NPAS3: variants seen among roughly 807,000 people sequenced by gnomAD.
The protein encoded by NPAS3 is neuronal PAS domain protein 3, also known as neuronal PAS domain-containing protein 3.
A neutral mutation model predicts 73.1 loss-of-function variants in NPAS3; 14 were observed. The ratio of observed to expected loss-of-function variants is 0.19; its 90% CI spans 0.13 to 0.30. NPAS3 has a LOEUF of 0.30. NPAS3 is among the 10% of genes least tolerant of loss of function. NPAS3 has a pLI of 1.00. For missense variants in NPAS3, 1,096 were observed against 1,250.0 expected (o/e 0.88, Z 1.86); for synonymous variants, 620 against 541.5 (o/e 1.14, Z -2.01).
At chr14:33,697,444 G>C (rs1332810663) in intron 6 of NPAS3, among the ~76,000 whole-genome samples, 1 of 152,160 alleles carries the variant, frequency 6.6e-6, no homozygotes, top group African/African-American at 2.4e-5. Flanking sequence ...GAAAAGGCTT[G>C]CCTTCATTTT....
intron 2 of NPAS3, among the ~76,000 whole-genome samples, chr14:33,125,998 A>C (rs2139071262): frequency 6.6e-6 from 1 of 152,270 alleles, no homozygotes; most frequent in South Asian, 2.1e-4. Context: ...AATTAGGAAA[A>C]GGTAAAGGTC....
chr14:33,048,515 G>T (rs914638058), intron 1 of NPAS3, among the ~76,000 whole-genome samples: 1 of 152,222 alleles, frequency 6.6e-6, no homozygotes, highest in African/African-American at 2.4e-5. Flanking sequence ...CTCCTGAGCT[G>T]CTTTGACTTT....
chr14:33,705,487 G>A (rs569437098), intron 6 of NPAS3, among the ~76,000 whole-genome samples: 6 of 152,338 alleles, frequency 3.9e-5, no homozygotes, highest in South Asian at 2.1e-4. Context: ...AGAGGGAGGC[G>A]AAATCGGCTA....
chr14:33,790,771 C>T (rs1414879945), intron 9 of NPAS3, among the ~76,000 whole-genome samples: 1 of 152,176 alleles, frequency 6.6e-6, no homozygotes, highest in Non-Finnish European at 1.5e-5. Context: ...CAGGCTCAAG[C>T]GATTTTTGTG....
At chr14:33,456,195 TG>T (rs2050015848) in intron 4 of NPAS3, among the ~76,000 whole-genome samples, 1 of 152,002 alleles carries the variant, frequency 6.6e-6, no homozygotes, top group Admixed American at 6.6e-5. Flanking sequence ...TCAGAGTGCC[TG>T]TGCATAATGT....
chr14:33,772,124 G>T (rs546496147), intron 7 of NPAS3, among the ~76,000 whole-genome samples: 2 of 152,202 alleles, frequency 1.3e-5, no homozygotes, highest in Admixed American at 6.5e-5. Flanking sequence ...ATTAATACTT[G>T]GTCCTTGTCC....
At chr14:33,753,419 A>G (rs903660724) in intron 7 of NPAS3, among the ~76,000 whole-genome samples, 16 of 152,028 alleles carry the variant, frequency 1.1e-4, no homozygotes, top group Admixed American at 3.3e-4. Flanking sequence ...AACATTCCCA[A>G]GCCTTTCACG....
At chr14:33,550,074 C>G (rs887768567) in intron 4 of NPAS3, among the ~76,000 whole-genome samples, 26 of 152,170 alleles carry the variant, frequency 1.7e-4, no homozygotes, top group African/African-American at 6.3e-4. Context: ...TTACCAACAC[C>G]AAAAACCCCA....
chr14:33,483,578 C>T (rs914475986), intron 4 of NPAS3, among the ~76,000 whole-genome samples: 1 of 152,154 alleles, frequency 6.6e-6, no homozygotes, highest in African/African-American at 2.4e-5. Flanking sequence ...GCCCTTCACA[C>T]AGCAGACAGT....
chr14:33,349,950 C>A (rs977409602), intron 3 of NPAS3, among the ~76,000 whole-genome samples: 6 of 152,222 alleles, frequency 3.9e-5, no homozygotes, highest in African/African-American at 1.4e-4. Flanking sequence ...AAATCTCACA[C>A]TCCGCGTCCT....
upstream of NPAS3, among the ~76,000 whole-genome samples, chr14:32,938,251 C>A (rs1334604702): frequency 6.6e-6 from 1 of 152,050 alleles, no homozygotes; most frequent in Non-Finnish European, 1.5e-5. Context: ...TGGGCCAGCG[C>A]ACCCCCCATC....
intron 3 of NPAS3, among the ~76,000 whole-genome samples, chr14:33,228,840 G>A (rs1158811806): frequency 1.3e-5 from 2 of 151,962 alleles, no homozygotes; most frequent in South Asian, 2.1e-4. Context: ...AGAAAAAGAC[G>A]GTAGTCCTTA....
chr14:33,714,085 A>T (rs1406759901), intron 6 of NPAS3, among the ~76,000 whole-genome samples: 1 of 152,128 alleles, frequency 6.6e-6, no homozygotes, highest in Non-Finnish European at 1.5e-5. Context: ...ATTTAAAATT[A>T]CAACTCTCAC....
rs568362497 is a variant in NPAS3 at position 33,650,345 on chromosome 14, G to C, written c.559-25866G>C. 8.5e-5 allele frequency among the ~76,000 whole-genome samples: 13 copies of C among 152,248 alleles called. No homozygotes were observed. The South Asian group carries it at 2.7e-3, about 32-fold the overall frequency. On this transcript the variant is annotated intron_variant, in intron 5 of 11. Coordinates refer to ENST00000356141, the Ensembl canonical transcript of NPAS3. ...AGATGCTGCAGGGATAGTGGGGCAA[G>C]AGAAAAGATTTCTTAAGTTTATTTC...
intron 4 of NPAS3, among the ~76,000 whole-genome samples, chr14:33,385,586 C>T (rs1246145464): frequency 3.9e-5 from 6 of 152,120 alleles, no homozygotes; most frequent in African/African-American, 1.4e-4. Context: ...TTATGTATCT[C>T]ACTCTTTTCA....
chr14:33,786,212 C>T (rs931579981), intron 9 of NPAS3, among the ~76,000 whole-genome samples: 10 of 152,234 alleles, frequency 6.6e-5, no homozygotes, highest in South Asian at 2.1e-4. Context: ...GTTGAGCAGA[C>T]GACCAACAAT....
chr14:33,422,311 G>A (rs1046396062), intron 4 of NPAS3, among the ~76,000 whole-genome samples: 4 of 151,890 alleles, frequency 2.6e-5, no homozygotes, highest in Admixed American at 1.3e-4. Context: ...TAGGGGATAG[G>A]TAAAGATGGC....
intron 4 of NPAS3, among the ~76,000 whole-genome samples, chr14:33,369,627 A>C (rs944553282): frequency 6.6e-6 from 1 of 152,164 alleles, no homozygotes; most frequent in African/African-American, 2.4e-5. Flanking sequence ...TCTAAGCATG[A>C]TTGCACTATG....
chr14:33,354,168 C>A (rs2045219433), intron 3 of NPAS3, among the ~76,000 whole-genome samples: 1 of 152,166 alleles, frequency 6.6e-6, no homozygotes, highest in Non-Finnish European at 1.5e-5. Flanking sequence ...TCCAAAGTCA[C>A]TTTAAAAAAT....
Sources: gnomAD v4.1 joint callset for allele counts (sites outside exome capture counted in the v4.1 genomes callset) on GRCh38, gnomAD v4.1.1 for gene constraint, MANE v1.5 for transcripts, NCBI Gene and HGNC (gene_info 2026-07-23, HGNC 2026-07-21) for gene names.